The following RFT1 variants were observed in gnomAD, a reference collection of about 807,000 sequenced individuals.
RFT1 encodes the protein man(5)GlcNAc(2)-PP-dolichol translocation protein RFT1.
In RFT1, 43 loss-of-function variants were observed where a neutral mutation model predicts 62.2. The observed-to-expected ratio is 0.69, with a 90% CI of 0.54 to 0.89. The LOEUF is 0.89. Ranked by LOEUF, RFT1 falls within the 40% of genes least tolerant of loss-of-function variation. RFT1 has a pLI of 0.00. For missense variants in RFT1, 605 were observed against 649.9 expected, an observed-to-expected ratio of 0.93 and a Z score of 0.75; for synonymous variants, 262 against 264.6, an observed-to-expected ratio of 0.99 and a Z score of 0.10.
At chr3:53,072,989 G>C in the RFT1 span, among the ~76,000 whole-genome samples, 1 of 152,234 alleles carries the variant, frequency 6.6e-6, no homozygotes, top group East Asian at 1.9e-4. Flanking sequence ...GGCCCCATGA[G>C]CTGACACCCA....
In RFT1 at chr3:53,092,261, C is replaced by T. The variant is rs187754189; in HGVS notation, c.1458+108G>A. The T allele has an allele frequency of 8.7e-6, 13 of 1,489,966 alleles. No individual in the cohort carries two copies. The East Asian group carries it at 2.9e-4, about 34-fold the overall frequency. The allele number at this position is 1,489,966 out of a possible 1,614,324, so 92.3% of individuals were successfully genotyped here. A position where few individuals can be genotyped will look rare whatever the true frequency, so the allele number is the denominator to read the frequency against. On this transcript the variant is annotated intron_variant, in intron 12 of 12. Coordinates refer to ENST00000296292, the MANE Select transcript of RFT1 (RefSeq NM_052859.4). Reference sequence around the variant, plus strand: ...TTATCAGAAGATGCTGCCCTAGAGGCCTGGGGAGGGGACAGGAGGAGGCAA... The same window carrying T: ...TTATCAGAAGATGCTGCCCTAGAGGTCTGGGGAGGGGACAGGAGGAGGCAA...
In RFT1 at chr3:53,092,634, G is replaced by A. The variant is rs567150690; in HGVS notation, c.1209-16C>T. ...AAAATTGTACCTGGGGAGGAGACAG[G>A]AAAAGGAGGGCAGTGGTGACCTTGC... On this transcript the variant is annotated splice_polypyrimidine_tract_variant and intron_variant, in intron 11 of 12. Coordinates refer to ENST00000296292, the MANE Select transcript of RFT1 (RefSeq NM_052859.4). 1.5e-5 allele frequency: 24 copies of A among 1,607,922 alleles called. No individual in the cohort carries two copies. Among genetic ancestry groups the A allele is most frequent in the Admixed American group, 8.5e-5 (5 of 59,134 alleles).
intron 11 of RFT1, among the ~76,000 whole-genome samples, chr3:53,096,752 C>A (rs951718744): frequency 2.0e-5 from 3 of 152,046 alleles, no homozygotes; most frequent in Non-Finnish European, 4.4e-5. Flanking sequence ...TCTCTTCTCT[C>A]TATATATTTT....
intron 10 of RFT1, among the ~76,000 whole-genome samples, chr3:53,099,935 C>G (rs190470445): frequency 6.6e-6 from 1 of 152,258 alleles, no homozygotes; most frequent in East Asian, 1.9e-4. Context: ...CTGCAGTGAG[C>G]CATGATAGTG....
chr3:53,119,563 G>A (rs557272533), intron 6 of RFT1, among the ~76,000 whole-genome samples: 1 of 152,356 alleles, frequency 6.6e-6, no homozygotes, highest in Non-Finnish European at 1.5e-5. Context: ...TCCCCCAGGG[G>A]ACATTTGGCA....
the RFT1 span, chr3:53,078,311 G>A: frequency 6.6e-6 from 1 of 152,268 alleles, no homozygotes; most frequent in Non-Finnish European, 1.5e-5. Context: ...CCTCGGGCAG[G>A]ACATGGACCC....
chr3:53,121,925 C>G, intron 4 of RFT1, 125 bp from the exon 5 acceptor site: 1 of 752,996 alleles, frequency 1.3e-6, no homozygotes, highest in South Asian at 1.5e-5. Context: ...CACAGCTGGA[C>G]ATAAGTATCA....
chr3:53,115,202 A>C (rs998752337), intron 6 of RFT1, among the ~76,000 whole-genome samples: 4 of 152,116 alleles, frequency 2.6e-5, no homozygotes, highest in Non-Finnish European at 5.9e-5. Context: ...TCAAGCTTGG[A>C]GATTGGGGCT....
Position 53,103,990 on chromosome 3 carries a change from C to G in RFT1, c.1065G>C (p.Leu355=), listed in dbSNP as rs1416950026. 1 of 1,614,224 alleles carries G rather than the reference C, an allele frequency of 6.2e-7. No individual in the cohort carries two copies. Among genetic ancestry groups the G allele is most frequent in the East Asian group, 2.2e-5 (1 of 44,884 alleles). The change falls in exon 10 of 13, where the codon CTG becomes CTC. Residue 355 remains leucine, a synonymous_variant. Coordinates refer to ENST00000296292, the MANE Select transcript of RFT1 (RefSeq NM_052859.4). ...TAAGCATGGTCCCTCCGTAGATATC[C>G]AGAGCCAGCTGAGAATAGGCAAAGC... ...VFGFAYSQLA[L]DIYGGTMLSS...
Position 53,090,546 on chromosome 3 carries a change from G to A in RFT1, c.*1357C>T, listed in dbSNP as rs1408819290. 6.6e-6 allele frequency: 1 copy of A among 152,224 alleles called. No homozygotes were observed. The highest frequency in any genetic ancestry group is 6.5e-5 in the Admixed American group (1 of 15,286). 9.4% of individuals were successfully genotyped at this position (152,224 alleles called of 1,614,324 possible). A position where few individuals can be genotyped will look rare whatever the true frequency, so the allele number is the denominator to read the frequency against. ...CAGGTGACTGGGCCCCAGTCTTGGT[G>A]TACTGACAGGTCTTAATCCTTAGCC... On this transcript the variant is annotated 3_prime_UTR_variant, in exon 13 of 13. Transcript: ENST00000296292.
At chr3:53,112,307 A>G (rs1642778056) in intron 6 of RFT1, among the ~76,000 whole-genome samples, 1 of 152,246 alleles carries the variant, frequency 6.6e-6, no homozygotes, top group Non-Finnish European at 1.5e-5. Flanking sequence ...TGCTATGTTC[A>G]GCCATCCAGG....
Position 53,130,357 on chromosome 3 carries a change from G to A in RFT1, c.44C>T (p.Ser15Phe), listed in dbSNP as rs1384550550. The A allele has an allele frequency of 2.6e-6, 4 of 1,568,554 alleles. No homozygotes were observed. The highest frequency in any genetic ancestry group is 1.2e-5 in the South Asian group (1 of 85,328). ...GAGTACCTGCAGGAGGAGACCGGAG[G>A]AGGCCAGCCGGGCCGCGTGGCCCAG... ...EVLGHAARLA[S>F]SGLLLQVLFR... Residue 15 changes from serine (S) to phenylalanine (F), a missense_variant, in exon 1 of 13, where the codon TCC becomes TTC. Physicochemically the swap from Ser to Phe is radical, Grantham distance 155 (BLOSUM62 -2). Transcript: ENST00000296292.
the RFT1 span, among the ~76,000 whole-genome samples, chr3:53,079,135 C>A: frequency 6.6e-6 from 1 of 152,202 alleles, no homozygotes; most frequent in Non-Finnish European, 1.5e-5. Context: ...AGGACTCCTG[C>A]ACAGTTGAAG....
chr3:53,109,128 C>T (rs1172088062), intron 7 of RFT1, among the ~76,000 whole-genome samples: 2 of 152,150 alleles, frequency 1.3e-5, no homozygotes, highest in Non-Finnish European at 2.9e-5. Context: ...AGGTTTTAGC[C>T]CTCCAGCTGC....
At chr3:53,086,889 C>T (rs558173261), downstream of RFT1, among the ~76,000 whole-genome samples, 1 of 152,298 alleles carries the variant, frequency 6.6e-6, no homozygotes, top group Admixed American at 6.5e-5. Flanking sequence ...GCCCCCTGCA[C>T]ACCCGTCTCA....
At chr3:53,087,580 G>C (rs1052204737), downstream of RFT1, among the ~76,000 whole-genome samples, 4 of 152,028 alleles carry the variant, frequency 2.6e-5, no homozygotes, top group Admixed American at 6.6e-5. Flanking sequence ...ATCCAGGTTG[G>C]AGCGCGAACA....
chr3:53,130,425 C>A lies in RFT1; in HGVS notation c.-25G>T. 6.4e-7 allele frequency: 1 copy of A among 1,550,430 alleles called. No homozygotes were observed. The highest frequency in any genetic ancestry group is 8.7e-7 in the Non-Finnish European group (1 of 1,146,814). On this transcript the variant is annotated 5_prime_UTR_variant, in exon 1 of 13. Transcript: ENST00000296292. The stretch of plus-strand genomic sequence containing the variant: ...TAGCCTCCGCGCCAGGCTCAGACAC[C>A]AGGAAATGCCGCCGCCACTCCGTTT...
chr3:53,082,780 C>T, the RFT1 span, among the ~76,000 whole-genome samples: 5 of 152,044 alleles, frequency 3.3e-5, no homozygotes, highest in African/African-American at 7.3e-5. Context: ...AGGCCACCCA[C>T]GAATCTGAGA....
rs1038271639 is a variant in RFT1, at chr3:53,106,923, GTTTCC to G, written c.776-59_776-55del. 5.9e-6 allele frequency: 8 copies of G among 1,353,422 alleles called. No individual in the cohort carries two copies. The African/African-American group carries it at 1.2e-4, about 20-fold the overall frequency. 83.8% of individuals were successfully genotyped at this position (1,353,422 alleles called of 1,614,324 possible). A position where few individuals can be genotyped will look rare whatever the true frequency, so the allele number is the denominator to read the frequency against. On this transcript the variant is annotated intron_variant, in intron 7 of 12. Transcript: ENST00000296292. The stretch of plus-strand genomic sequence containing the variant: ...AATGTCAAATGCACATTACTTTATT[GTTTCC>G]TTTCTCTCACCAGCTATCAACTTTT...
Sources: gnomAD v4.1 joint callset for allele counts (sites outside exome capture counted in the v4.1 genomes callset) on GRCh38, gnomAD v4.1.1 for gene constraint, MANE v1.5 for transcripts, NCBI Gene and HGNC (gene_info 2026-07-23, HGNC 2026-07-21) for gene names.